CDH18: variants seen among roughly 807,000 people sequenced by gnomAD.
CDH18 encodes cadherin 18, also known as cadherin-18.
CDH18 carries 31 observed loss-of-function variants against 67.9 expected under a neutral mutation model. The observed-to-expected ratio is 0.46, with a 90% CI of 0.34 to 0.62. The LOEUF is 0.62. CDH18 is among the 20% of genes least tolerant of loss of function. The pLI, the probability that CDH18 is intolerant of heterozygous loss-of-function variation, is 0.01. For synonymous variants in CDH18, 362 were observed against 347.2 expected, an observed-to-expected ratio of 1.04 and a Z score of -0.48; for missense variants, 890 against 975.5, an observed-to-expected ratio of 0.91 and a Z score of 1.17.
At chr5:20,397,677 T>C (rs1745399086) in intron 1 of CDH18, among the ~76,000 whole-genome samples, 1 of 152,162 alleles carries the variant, frequency 6.6e-6, no homozygotes, top group South Asian at 2.1e-4. Context: ...TATTTTCTAG[T>C]AAGCATGCTG....
chr5:20,019,047 T>C (rs1429315839), intron 2 of CDH18, among the ~76,000 whole-genome samples: 4 of 142,400 alleles, frequency 2.8e-5, no homozygotes, highest in African/African-American at 1.1e-4. Flanking sequence ...TCCGCCCATC[T>C]CGGCCTCCCA....
Position 19,658,665 on chromosome 5 carries a change from T to C in CDH18, c.644-46064A>G, listed in dbSNP as rs144882675. ...TTAAACTTCTTTTTTTCTTTTTTTTTTTAAATTATAAATTTTAGGGTACAT... is the reference window on the plus strand; with the variant it reads ...TTAAACTTCTTTTTTTCTTTTTTTTCTTAAATTATAAATTTTAGGGTACAT... On this transcript the variant is annotated intron_variant, in intron 5 of 12. Coordinates refer to ENST00000382275, the MANE Select transcript of CDH18 (RefSeq NM_004934.5). Among the ~76,000 whole-genome samples the C allele has an allele frequency of 9.2e-3, 1,397 of 152,166 alleles. 7 individuals carry two copies. The highest frequency in any genetic ancestry group is 0.014 in the Middle Eastern group (4 of 294).
At chr5:20,197,927 G>A (rs1038108229) in intron 2 of CDH18, among the ~76,000 whole-genome samples, 1 of 152,092 alleles carries the variant, frequency 6.6e-6, no homozygotes, top group Admixed American at 6.6e-5. Context: ...ATTGAATTAT[G>A]GGGGTGGTTT....
At chr5:20,443,997 T>C (rs1342946618) in intron 1 of CDH18, among the ~76,000 whole-genome samples, 1 of 151,980 alleles carries the variant, frequency 6.6e-6, no homozygotes, top group African/African-American at 2.4e-5. Context: ...TTTCCTTACT[T>C]AATCTCTGTA....
intron 3 of CDH18, among the ~76,000 whole-genome samples, chr5:19,784,032 T>G (rs1014495923): frequency 2.0e-5 from 3 of 152,176 alleles, no homozygotes; most frequent in Non-Finnish European, 4.4e-5. Context: ...ATTTTAAAAT[T>G]TTGTACAAAA....
intron 1 of CDH18, among the ~76,000 whole-genome samples, chr5:20,500,841 T>A (rs1010807471): frequency 6.6e-6 from 1 of 152,184 alleles, no homozygotes; most frequent in East Asian, 1.9e-4. Flanking sequence ...AAGTTACTGT[T>A]ACAGTGTTTG....
chr5:20,272,794 T>A (rs1279134663), intron 1 of CDH18, among the ~76,000 whole-genome samples: 2 of 152,046 alleles, frequency 1.3e-5, no homozygotes, highest in African/African-American at 4.8e-5. Flanking sequence ...TAATAATAAG[T>A]AAAATAATTT....
rs1744755011 is a variant in CDH18, at chr5:20,262,877, CATT to C, written c.-579-7375_-579-7373del. ...AGTGGCTCTAAACCATATTAAGACT[CATT>C]ATATTCTTCAACACTTAACACAAGC... On this transcript the variant is annotated intron_variant, in intron 1 of 14. Transcript: ENST00000507958. Among the ~76,000 whole-genome samples, 2 of 150,460 alleles carry C rather than the reference CATT, an allele frequency of 1.3e-5. 1 individual carries two copies. The highest frequency in any genetic ancestry group is 4.2e-4 in the South Asian group (2 of 4,740).
intron 8 of CDH18, among the ~76,000 whole-genome samples, chr5:19,566,887 C>T (rs896053642): frequency 6.6e-6 from 1 of 152,140 alleles, no homozygotes; most frequent in Admixed American, 6.6e-5. Flanking sequence ...ATGCACAATA[C>T]AGTAATTCAG....
intron 2 of CDH18, among the ~76,000 whole-genome samples, chr5:19,853,832 T>A (rs1439446855): frequency 1.3e-5 from 2 of 152,050 alleles, no homozygotes; most frequent in African/African-American, 4.8e-5. Context: ...AGACAGAAAA[T>A]GCTTACATTG....
rs977286665 is a variant in CDH18 at position 20,491,778 on chromosome 5, C to T, written c.-580+83684G>A. Among the ~76,000 whole-genome samples the T allele has an allele frequency of 7.1e-4, 108 of 152,272 alleles. 1 individual carries two copies. The highest frequency in any genetic ancestry group is 2.5e-3 in the African/African-American group (104 of 41,558). Reference sequence around the variant, plus strand: ...TGTAAATATCATCCAAAAACACTTTCGCAAAAACATTCAGAATTATGTTTG... The same window carrying T: ...TGTAAATATCATCCAAAAACACTTTTGCAAAAACATTCAGAATTATGTTTG... On this transcript the variant is annotated intron_variant, in intron 1 of 14. Coordinates refer to the CDH18 transcript ENST00000507958.
intron 12 of CDH18, among the ~76,000 whole-genome samples, chr5:19,477,702 T>C (rs1738719696): frequency 6.6e-6 from 1 of 152,110 alleles, no homozygotes; most frequent in Non-Finnish European, 1.5e-5. Flanking sequence ...AAAGAATGTA[T>C]TCAAATGACC....
At chr5:19,486,890 A>C (rs569283249) in intron 11 of CDH18, among the ~76,000 whole-genome samples, 11 of 152,332 alleles carry the variant, frequency 7.2e-5, no homozygotes, top group African/African-American at 2.6e-4. Flanking sequence ...AAGAGAAAAC[A>C]TAGCATGATA....
intron 1 of CDH18, among the ~76,000 whole-genome samples, chr5:20,481,388 T>C (rs1752801020): frequency 6.6e-6 from 1 of 152,092 alleles, no homozygotes; most frequent in Non-Finnish European, 1.5e-5. Context: ...CACTCCATTT[T>C]TAGCAATAGG....
intron 4 of CDH18, among the ~76,000 whole-genome samples, chr5:19,737,080 T>A (rs1768434156): frequency 6.6e-6 from 1 of 152,182 alleles, no homozygotes; most frequent in South Asian, 2.1e-4. Context: ...GTGATGGCAC[T>A]GCCAGTCCTC....
chr5:20,385,593 A>C lies in CDH18; in HGVS notation c.-579-130088T>G, dbSNP rs866820457. ...CAGATGGGAAAACGTTATGGCTCCC[A>C]GGCTTTTGTAAACTTTTGACTTACA... is the stretch of plus-strand genomic sequence containing the variant. On this transcript the variant is annotated intron_variant, in intron 1 of 14. Coordinates refer to the CDH18 transcript ENST00000507958. 3.7e-4 allele frequency among the ~76,000 whole-genome samples: 56 copies of C among 152,182 alleles called. 1 individual carries two copies. The highest frequency in any genetic ancestry group is 3.2e-3 in the Admixed American group (49 of 15,278).
chr5:20,211,247 C>T (rs1382325976), intron 2 of CDH18, among the ~76,000 whole-genome samples: 2 of 152,138 alleles, frequency 1.3e-5, no homozygotes, highest in African/African-American at 4.8e-5. Flanking sequence ...GTAAACAAAG[C>T]AGCCGGGAAG....
rs144550404 is a variant in CDH18 at position 19,721,094 on chromosome 5, T to C, written c.643+253A>G. On this transcript the variant is annotated intron_variant, in intron 5 of 12. Coordinates refer to ENST00000382275, the MANE Select transcript of CDH18 (RefSeq NM_004934.5). ...ATTATTTATTTAAGTATTACAGAAA[T>C]ACTGAAGGATAAGTAACATTTTCTT... Among the ~76,000 whole-genome samples the C allele has an allele frequency of 1.1e-4, 16 of 152,314 alleles. No homozygotes were observed. The East Asian group carries it at 2.9e-3, about 28-fold the overall frequency.
At chr5:19,632,764 A>C (rs1752589380) in intron 5 of CDH18, among the ~76,000 whole-genome samples, 1 of 152,220 alleles carries the variant, frequency 6.6e-6, no homozygotes, top group African/African-American at 2.4e-5. Flanking sequence ...TAGAACACTT[A>C]AAAGCTTACT....
Sources: allele counts gnomAD v4.1 joint callset (sites outside exome capture counted in the v4.1 genomes callset), GRCh38; gene constraint gnomAD v4.1.1; transcripts MANE v1.5; gene names NCBI Gene and HGNC (gene_info 2026-07-23, HGNC 2026-07-21).